Variants in AKAP1 observed in about 807,000 individuals in gnomAD.
The protein encoded by AKAP1 is A-kinase anchor protein 1, mitochondrial.
In AKAP1, 32 loss-of-function variants were observed where a neutral mutation model predicts 79.8. The ratio of observed to expected loss-of-function variants is 0.40; its 90% CI spans 0.30 to 0.54. AKAP1 has a LOEUF of 0.54. Among genes scored for constraint, AKAP1 ranks in the 20% least tolerant of loss-of-function variants. The pLI, the probability that AKAP1 is intolerant of heterozygous loss-of-function variation, is 0.47. For synonymous variants in AKAP1, 416 were observed against 466.7 expected, an observed-to-expected ratio of 0.89 and a Z score of 1.40; for missense variants, 961 against 1,138.9, an observed-to-expected ratio of 0.84 and a Z score of 2.25.
intron 10 of AKAP1, 117 bp from the exon 11 acceptor site, chr17:57,120,132 GT>G (rs1915841041): frequency 1.2e-6 from 1 of 862,736 alleles, no homozygotes; most frequent in Non-Finnish European, 1.9e-6. Flanking sequence ...GGCCTACACT[GT>G]TACTCTCATA....
chr17:57,106,089 G>C lies in AKAP1; in HGVS notation c.625G>C (p.Val209Leu), dbSNP rs150670980. 1.2e-6 allele frequency: 2 copies of C among 1,606,318 alleles called. No individual in the cohort carries two copies. Among genetic ancestry groups the C allele is most frequent in the Admixed American group, 3.4e-5 (2 of 59,512 alleles). ...TGGAEGTGDA[V>L]LGEKVLEEAL... ...TGGGGCCGAAGGGACTGGTGATGCCGTGTTGGGGGAAAAGGTGCTTGAAGA... is the reference window on the plus strand; with the variant it reads ...TGGGGCCGAAGGGACTGGTGATGCCCTGTTGGGGGAAAAGGTGCTTGAAGA... Residue 209 changes from valine (V) to leucine (L), a missense_variant, in exon 2 of 11, where the codon GTG becomes CTG. By Grantham distance (32) the Val-to-Leu change is conservative. This residue lies in a region of AKAP1 where 224 missense variants were observed against 210.2 expected (regional missense o/e 1.07). Coordinates refer to ENST00000337714, the MANE Select transcript of AKAP1 (RefSeq NM_003488.4).
chr17:57,119,692 G>A (rs754964604), intron 10 of AKAP1, among the ~76,000 whole-genome samples: 3 of 151,826 alleles, frequency 2.0e-5, no homozygotes, highest in Non-Finnish European at 4.4e-5. Context: ...TCCAGCCTGG[G>A]TGACAGAGCA....
At chr17:57,116,509 T>C (rs1157604196) in intron 7 of AKAP1, among the ~76,000 whole-genome samples, 4 of 152,214 alleles carry the variant, frequency 2.6e-5, no homozygotes, top group Non-Finnish European at 5.9e-5. Flanking sequence ...CCAGGCGTGG[T>C]GGCCTGCTGC....
chr17:57,105,785 C>T lies in AKAP1; in HGVS notation c.321C>T (p.Ser107=). The part of the protein sequence containing the change: ...QTHPPCRRSE[S]SGILPNTTDM... ...ACCCACCTTGCCGAAGATCAGAGTC[C>T]TCGGGCATTCTTCCTAACACCACAG... The change falls in exon 2 of 11, where the codon TCC becomes TCT. Residue 107 remains serine (S), a synonymous_variant. Coordinates refer to ENST00000337714, the MANE Select transcript of AKAP1 (RefSeq NM_003488.4). 6.2e-7 allele frequency: 1 copy of T among 1,614,210 alleles called. No individual in the cohort carries two copies. Among genetic ancestry groups the T allele is most frequent in the Non-Finnish European group, 8.5e-7 (1 of 1,180,054 alleles).
chr17:57,116,134 G>A lies in AKAP1; in HGVS notation c.2305G>A (p.Gly769Ser), dbSNP rs762771339. Reference sequence around the variant, plus strand: ...AGTAACGGTCATCTGTGCCGCCCCTGGTGCGGACGGGGCCTGGTGGCGAGC... The same window carrying A: ...AGTAACGGTCATCTGTGCCGCCCCTAGTGCGGACGGGGCCTGGTGGCGAGC... Reference protein sequence around the residue: ...VEITVICAAPGADGAWWRAQV... With the variant: ...VEITVICAAPSADGAWWRAQV... The change falls in exon 7 of 11, where the codon GGT (glycine) becomes AGT (serine). Residue 769 changes from glycine (G) to serine (S), a missense_variant. By Grantham distance (56) the Gly-to-Ser change is moderately conservative (BLOSUM62 0). Transcript: ENST00000337714. The A allele has an allele frequency of 2.5e-6, 4 of 1,613,584 alleles. No homozygotes were observed. The Admixed American group carries it at 6.7e-5, about 27-fold the overall frequency.
chr17:57,114,528 G>T lies in AKAP1; in HGVS notation c.2173G>T (p.Val725Leu), dbSNP rs777139688. The T allele has an allele frequency of 1.2e-6, 2 of 1,614,046 alleles. No homozygotes were observed. Among genetic ancestry groups the T allele is most frequent in the African/African-American group, 2.7e-5 (2 of 74,918 alleles). ...VNQVNAGHLF[V>L]QQHTHPTFHA... ...CCAGGTCAATGCCGGGCACCTGTTC[G>T]TGCAGCAGCACACACACCCTACCTT... The change falls in exon 6 of 11, where the codon GTG becomes TTG. Residue 725 changes from valine (V) to leucine (L), a missense_variant. This residue lies in a region of AKAP1 where 629 missense variants were observed against 781.1 expected (regional missense o/e 0.81). Transcript: ENST00000337714.
intron 1 of AKAP1, 102 bp from the exon 2 acceptor site, chr17:57,105,339 G>A: frequency 8.7e-7 from 1 of 1,143,916 alleles, no homozygotes; most frequent in South Asian, 1.3e-5. Context: ...CGGAGGAGAT[G>A]GCTCCAGCTC....
At chr17:57,111,210 G>C (rs1471291643) in intron 3 of AKAP1, among the ~76,000 whole-genome samples, 1 of 152,230 alleles carries the variant, frequency 6.6e-6, no homozygotes, top group Admixed American at 6.5e-5. Flanking sequence ...AAGTTTGGCT[G>C]CTTCTATCTG....
At position 57,120,557 on chromosome 17, in the gene AKAP1, G is replaced by T; in HGVS notation, c.*233G>T. 1 of 333,338 alleles carries T rather than the reference G, an allele frequency of 3.0e-6. No individual in the cohort carries two copies. The allele number at this position is 333,338 out of a possible 1,614,324, so 20.6% of individuals were successfully genotyped here. A position where few individuals can be genotyped will look rare whatever the true frequency, so the allele number is the denominator to read the frequency against. On this transcript the variant is annotated 3_prime_UTR_variant, in exon 11 of 11. Coordinates refer to ENST00000337714, the MANE Select transcript of AKAP1 (RefSeq NM_003488.4). ...TTAACAAGCCAGCTGGCTTATGCTG[G>T]TTCTCAGCTGTTTAAAAAAAAAAAA...
At chr17:57,096,112 A>G (rs1181529826) in intron 1 of AKAP1, 1 of 152,254 alleles carries the variant, frequency 6.6e-6, no homozygotes, top group African/African-American at 2.4e-5. Flanking sequence ...CCAGCAGAGC[A>G]GGAAAGAGAC....
intron 3 of AKAP1, among the ~76,000 whole-genome samples, chr17:57,111,319 T>C (rs1323788136): frequency 6.6e-6 from 1 of 152,236 alleles, no homozygotes; most frequent in African/African-American, 2.4e-5. Flanking sequence ...TCTTAGACCT[T>C]CATTTTCAAA....
intron 2 of AKAP1, among the ~76,000 whole-genome samples, chr17:57,109,670 A>G (rs893254917): frequency 2.6e-5 from 4 of 151,822 alleles, no homozygotes; most frequent in African/African-American, 9.7e-5. Context: ...GACCATGTGG[A>G]CCTCAAGCGT....
In AKAP1 at chr17:57,107,010, C is replaced by CT; in HGVS notation, c.1548dup (p.Glu517Ter). ...CTCAGATTCTTTCAGCACTTCAGGGCTTGAAGACTCTTGCACAGAGACCAG... is the reference window on the plus strand; with the variant it reads ...CTCAGATTCTTTCAGCACTTCAGGGCTTTGAAGACTCTTGCACAGAGACCAG... On this transcript the variant is annotated frameshift_variant, in exon 2 of 11. Transcript: ENST00000337714. LOFTEE classifies it high-confidence loss of function. The CT allele has an allele frequency of 6.2e-7, 1 of 1,614,168 alleles. No individual in the cohort carries two copies. Among genetic ancestry groups the CT allele is most frequent in the Non-Finnish European group, 8.5e-7 (1 of 1,180,038 alleles).
chr17:57,091,410 GGA>G (rs1289500040), intron 1 of AKAP1, among the ~76,000 whole-genome samples: 1 of 151,482 alleles, frequency 6.6e-6, no homozygotes, highest in African/African-American at 2.5e-5. Context: ...CGCCTCGTCA[GGA>G]GAGAGAGGAG....
At chr17:57,119,065 C>T in intron 10 of AKAP1, 21 bp downstream of exon 10, 1 of 1,612,172 alleles carries the variant, frequency 6.2e-7, no homozygotes, top group Non-Finnish European at 8.5e-7. Context: ...CCCTTCTTTT[C>T]CTTCTGTGTT....
chr17:57,118,479 A>G, intron 9 of AKAP1, 25 bp downstream of exon 9: 1 of 1,612,302 alleles, frequency 6.2e-7, no homozygotes, highest in Non-Finnish European at 8.5e-7. Flanking sequence ...GGGGTGGGGG[A>G]GGCAGGCTGG....
chr17:57,112,926 C>T (rs1186786450), intron 5 of AKAP1, among the ~76,000 whole-genome samples: 2 of 152,154 alleles, frequency 1.3e-5, no homozygotes, highest in East Asian at 1.9e-4. Flanking sequence ...TGGTGTAGTT[C>T]GGACAGGAGA....
intron 1 of AKAP1, among the ~76,000 whole-genome samples, chr17:57,088,066 G>A (rs889097792): frequency 6.6e-6 from 1 of 152,142 alleles, no homozygotes; most frequent in Admixed American, 6.5e-5. Context: ...AGATCCTGTG[G>A]GCATCTTGTC....
chr17:57,115,983 C>T (rs1915554276), intron 6 of AKAP1, 128 bp from the exon 7 acceptor site: 1 of 1,129,932 alleles, frequency 8.9e-7, no homozygotes, highest in Admixed American at 2.8e-5. Flanking sequence ...GGTTGCTGTT[C>T]CTGTCCCCTG....
Sources: gnomAD v4.1 joint callset for allele counts (sites outside exome capture counted in the v4.1 genomes callset) on GRCh38, gnomAD v4.1.1 for gene constraint, gnomAD v4.1.1 regional missense constraint, MANE v1.5 for transcripts, NCBI Gene and HGNC (gene_info 2026-07-23, HGNC 2026-07-21) for gene names.